The following CC2D2A variants were observed in gnomAD, a reference collection of about 807,000 sequenced individuals.
The protein encoded by CC2D2A is coiled-coil and C2 domain-containing protein 2A.
In CC2D2A, 155 loss-of-function variants were observed where a neutral mutation model predicts 212.9. The ratio of observed to expected loss-of-function variants is 0.73; its 90% CI spans 0.64 to 0.83. The LOEUF (loss-of-function observed/expected upper bound fraction) is 0.83. Ranked by LOEUF, CC2D2A falls within the 40% of genes least tolerant of loss-of-function variation. CC2D2A has a pLI of 0.00. For synonymous variants in CC2D2A, 667 were observed against 686.5 expected (o/e 0.97, Z 0.44); for missense variants, 1,856 against 1,956.2 (o/e 0.95, Z 0.97).
intron 33 of CC2D2A, among the ~76,000 whole-genome samples, chr4:15,590,017 T>G (rs1002147831): frequency 6.6e-6 from 1 of 152,122 alleles, no homozygotes; most frequent in Non-Finnish European, 1.5e-5. Flanking sequence ...GTTTACAATT[T>G]CTAATTCGTA....
intron 4 of CC2D2A, chr4:15,492,810 A>G: frequency 1.5e-6 from 1 of 656,316 alleles, no homozygotes; most frequent in Non-Finnish European, 2.8e-6. Flanking sequence ...TGAGCTTGAT[A>G]AAGTGGTCAC....
At chr4:15,540,758 TC>T (rs1332290798) in intron 16 of CC2D2A, 78 bp from the exon 17 acceptor site, 1 of 1,341,462 alleles carries the variant, frequency 7.5e-7, no homozygotes, top group Non-Finnish European at 1.0e-6. Flanking sequence ...CTTGTTCTGT[TC>T]AGTTCTTATT....
intron 8 of CC2D2A, among the ~76,000 whole-genome samples, chr4:15,513,364 G>A (rs1393920994): frequency 2.0e-5 from 3 of 152,224 alleles, no homozygotes; most frequent in East Asian, 3.8e-4. Flanking sequence ...GTCACGAGAC[G>A]TAGTGCACTC....
chr4:15,557,270 T>C, intron 20 of CC2D2A, 34 bp from the exon 21 acceptor site: 1 of 1,491,076 alleles, frequency 6.7e-7, no homozygotes, highest in Non-Finnish European at 9.3e-7. Flanking sequence ...GATCTGACTG[T>C]CATCTGGAGT....
intron 24 of CC2D2A, 120 bp downstream of exon 24, chr4:15,563,642 G>A (rs982307352): frequency 8.0e-6 from 9 of 1,119,852 alleles, no homozygotes; most frequent in African/African-American, 4.7e-5. Context: ...GGGACTGAGG[G>A]TTCTTGCAAA....
chr4:15,578,330 T>C (rs1013045613), intron 29 of CC2D2A, among the ~76,000 whole-genome samples: 6 of 152,146 alleles, frequency 3.9e-5, no homozygotes, highest in Non-Finnish European at 7.3e-5. Context: ...TCTTAGGGTA[T>C]AGTAATCAAA....
At chr4:15,470,675 CTCTCTCTCTCTCTCTATATATATA>C (rs1451322956) in intron 1 of CC2D2A, among the ~76,000 whole-genome samples, 1 of 77,006 alleles carries the variant, frequency 1.3e-5, no homozygotes, top group African/African-American at 5.8e-5. Context: ...CTCTCTCTCT[CTCTCTCTCTCTCTCTATATATATA>C]TATATATATA....
chr4:15,496,986 G>A (rs975130695), intron 4 of CC2D2A, among the ~76,000 whole-genome samples: 9 of 152,156 alleles, frequency 5.9e-5, no homozygotes, highest in African/African-American at 2.2e-4. Flanking sequence ...TGGACATACT[G>A]CTCAAGGCAA....
At chr4:15,580,476 G>A (rs947140747) in intron 30 of CC2D2A, among the ~76,000 whole-genome samples, 2 of 151,672 alleles carry the variant, frequency 1.3e-5, no homozygotes, top group Non-Finnish European at 2.9e-5. Flanking sequence ...CATCTCTACT[G>A]GAAATACAAA....
chr4:15,484,455 G>A (rs2108978885), intron 4 of CC2D2A, among the ~76,000 whole-genome samples: 1 of 152,260 alleles, frequency 6.6e-6, no homozygotes, highest in African/African-American at 2.4e-5. Context: ...CAGATTTAAG[G>A]CTGACGGCTG....
At chr4:15,509,397 C>T (rs1055668708) in intron 6 of CC2D2A, among the ~76,000 whole-genome samples, 2 of 151,984 alleles carry the variant, frequency 1.3e-5, no homozygotes, top group African/African-American at 4.8e-5. Flanking sequence ...CCTCAGCCTC[C>T]CCAGTAGCTG....
intron 32 of CC2D2A, among the ~76,000 whole-genome samples, chr4:15,588,871 GAAT>G (rs1227411835): frequency 6.6e-6 from 1 of 151,482 alleles, no homozygotes; most frequent in Admixed American, 6.6e-5. Flanking sequence ...CATACAGGGG[GAAT>G]AAATGATAAC....
At chr4:15,523,491 C>A (rs542306959) in intron 11 of CC2D2A, among the ~76,000 whole-genome samples, 1 of 152,326 alleles carries the variant, frequency 6.6e-6, no homozygotes, top group Admixed American at 6.5e-5. Context: ...ATTGTTCTCA[C>A]CAGTTTTTCA....
At chr4:15,569,780 C>G (rs558024101) in intron 27 of CC2D2A, among the ~76,000 whole-genome samples, 1 of 152,270 alleles carries the variant, frequency 6.6e-6, no homozygotes, top group Admixed American at 6.5e-5. Context: ...ATATTTAAAG[C>G]AAAATTAGGA....
At chr4:15,534,319 A>G (rs1334594865) in intron 14 of CC2D2A, among the ~76,000 whole-genome samples, 2 of 152,156 alleles carry the variant, frequency 1.3e-5, no homozygotes, top group Non-Finnish European at 2.9e-5. Context: ...ACAAATTCTT[A>G]ACTTTAAAAA....
intron 27 of CC2D2A, 66 bp downstream of exon 27, chr4:15,569,455 T>G (rs1236878277): frequency 2.2e-6 from 2 of 893,762 alleles, no homozygotes; most frequent in East Asian, 2.7e-5. Context: ...CTACATAAGT[T>G]CCAATCACAT....
At position 15,569,371 on chromosome 4, in the gene CC2D2A, A is replaced by G. The variant is rs1720052714; in HGVS notation, c.3477A>G (p.Val1159=). 1 of 1,568,548 alleles carries G rather than the reference A, an allele frequency of 6.4e-7. No homozygotes were observed. ...TGTTCATTAACATTTTTGATGAAGT[A>G]CTGCATGATGTCTTAGAGGTAAGTT... is the stretch of plus-strand genomic sequence containing the variant. ...DVVFINIFDE[V]LHDVLEDDRE... The change falls in exon 27 of 37, where the codon GTA becomes GTG. Residue 1159 remains valine, a synonymous_variant. Coordinates refer to ENST00000424120, the MANE Select transcript of CC2D2A (RefSeq NM_001378615.1).
chr4:15,494,503 C>G (rs777146960), intron 4 of CC2D2A, among the ~76,000 whole-genome samples: 8 of 152,230 alleles, frequency 5.3e-5, no homozygotes, highest in Non-Finnish European at 1.2e-4. Flanking sequence ...AGTTTGTTCT[C>G]AGCCCATTTT....
chr4:15,524,066 T>C (rs1291375614), intron 11 of CC2D2A, among the ~76,000 whole-genome samples: 10 of 152,300 alleles, frequency 6.6e-5, no homozygotes, highest in African/African-American at 2.4e-4. Flanking sequence ...TTTGTTGCTA[T>C]TATTTTTTCA....
Sources: allele counts gnomAD v4.1 joint callset (sites outside exome capture counted in the v4.1 genomes callset), GRCh38; gene constraint gnomAD v4.1.1; transcripts MANE v1.5; gene names NCBI Gene and HGNC (gene_info 2026-07-23, HGNC 2026-07-21).